Variants in CACHD1 observed in about 807,000 individuals in gnomAD.
CACHD1 encodes the protein VWFA and cache domain-containing protein 1.
CACHD1 carries 71 observed loss-of-function variants against 138.7 expected under a neutral mutation model. The observed-to-expected ratio is 0.51, with a 90% CI of 0.42 to 0.62. The LOEUF (loss-of-function observed/expected upper bound fraction) is 0.62, where lower values mean the gene tolerates loss of function less well. Ranked by LOEUF, CACHD1 falls within the 20% of genes least tolerant of loss-of-function variation. The pLI is 0.00. For synonymous variants in CACHD1, 578 were observed against 591.5 expected, an observed-to-expected ratio of 0.98 and a Z score of 0.33; for missense variants, 1,389 against 1,625.3, an observed-to-expected ratio of 0.85 and a Z score of 2.50.
Position 64,653,345 on chromosome 1 carries a change from T to C in CACHD1, c.1541-413T>C, listed in dbSNP as rs151221346. On this transcript the variant is annotated intron_variant, in intron 10 of 26. Coordinates refer to ENST00000651257, the MANE Select transcript of CACHD1 (RefSeq NM_020925.4). ...AACCCCCGTGACACAAGCTTACCTA[T>C]ATAATAAACCTGCACATGTACCCCT... Among the ~76,000 whole-genome samples the C allele has an allele frequency of 1.7e-3, 229 of 134,360 alleles. 1 individual carries two copies. The highest frequency in any genetic ancestry group is 6.0e-3 in the African/African-American group (212 of 35,518). The allele number at this position is 134,360 out of a possible 152,430, so 88.1% of individuals were successfully genotyped here.
At chr1:64,497,595 C>T (rs1646313109) in intron 1 of CACHD1, among the ~76,000 whole-genome samples, 1 of 152,146 alleles carries the variant, frequency 6.6e-6, no homozygotes, top group Admixed American at 6.5e-5. Context: ...AGCCAGGAAT[C>T]AGCAGGCATT....
At chr1:64,590,935 G>A (rs752945600) in intron 3 of CACHD1, among the ~76,000 whole-genome samples, 1 of 152,174 alleles carries the variant, frequency 6.6e-6, no homozygotes, top group African/African-American at 2.4e-5. Context: ...TTCCTCAACT[G>A]TAAAATGAGC....
intron 15 of CACHD1, among the ~76,000 whole-genome samples, chr1:64,665,464 C>G (rs1280967414): frequency 6.6e-6 from 1 of 150,606 alleles, no homozygotes; most frequent in Non-Finnish European, 1.5e-5. Flanking sequence ...TGTCAAAAAA[C>G]AAAACAAAAA....
At chr1:64,671,378 T>TAAGA (rs1649810643) in intron 16 of CACHD1, among the ~76,000 whole-genome samples, 186 bp from the exon 17 acceptor site, 1 of 152,172 alleles carries the variant, frequency 6.6e-6, no homozygotes, top group Admixed American at 6.6e-5. Context: ...TTAAATTTTT[T>TAAGA]TCTCTCATAA....
intron 1 of CACHD1, among the ~76,000 whole-genome samples, chr1:64,484,094 C>A (rs1331180928): frequency 6.6e-6 from 1 of 152,108 alleles, no homozygotes; most frequent in African/African-American, 2.4e-5. Context: ...TTGTTCAATG[C>A]TATATTCCTG....
chr1:64,517,678 G>A (rs1056392631), intron 1 of CACHD1, among the ~76,000 whole-genome samples: 1 of 152,174 alleles, frequency 6.6e-6, no homozygotes, highest in African/African-American at 2.4e-5. Flanking sequence ...AGGGGAACCT[G>A]TGGGGAATCT....
chr1:64,663,011 A>G (rs886194839), intron 13 of CACHD1, among the ~76,000 whole-genome samples: 17 of 152,370 alleles, frequency 1.1e-4, no homozygotes, highest in African/African-American at 3.8e-4. Flanking sequence ...GATTGCTGCT[A>G]TGCAAATGAG....
chr1:64,615,522 A>G (rs571966377), intron 4 of CACHD1, among the ~76,000 whole-genome samples: 4 of 152,228 alleles, frequency 2.6e-5, no homozygotes, highest in Non-Finnish European at 4.4e-5. Context: ...ATTTTTATTT[A>G]TTTATTGTAT....
intron 4 of CACHD1, among the ~76,000 whole-genome samples, chr1:64,603,660 C>T (rs1214582186): frequency 6.6e-6 from 1 of 152,044 alleles, no homozygotes; most frequent in Non-Finnish European, 1.5e-5. Flanking sequence ...GCCATAATAC[C>T]ATATACCAAG....
chr1:64,610,820 G>A (rs1647505680), intron 4 of CACHD1, among the ~76,000 whole-genome samples: 1 of 152,232 alleles, frequency 6.6e-6, no homozygotes, highest in Non-Finnish European at 1.5e-5. Flanking sequence ...GGTACTCTGT[G>A]TGGGGGCTCC....
intron 1 of CACHD1, among the ~76,000 whole-genome samples, chr1:64,528,806 C>T (rs1646559998): frequency 1.3e-5 from 2 of 151,668 alleles, no homozygotes; most frequent in Non-Finnish European, 2.9e-5. Flanking sequence ...TTAAGAATAA[C>T]CTGGTTGATG....
chr1:64,608,888 A>G (rs1647427396), intron 4 of CACHD1, among the ~76,000 whole-genome samples: 1 of 152,206 alleles, frequency 6.6e-6, no homozygotes, highest in African/African-American at 2.4e-5. Context: ...AATTGAGGTG[A>G]GAGTGAAGTA....
intron 2 of CACHD1, among the ~76,000 whole-genome samples, chr1:64,566,363 C>A (rs1450576140): frequency 6.6e-6 from 1 of 151,530 alleles, no homozygotes; most frequent in Non-Finnish European, 1.5e-5. Flanking sequence ...GATTTACTGA[C>A]AAGAAAAATT....
chr1:64,609,786 A>G (rs1242896604), intron 4 of CACHD1, among the ~76,000 whole-genome samples: 16 of 152,162 alleles, frequency 1.1e-4, no homozygotes, highest in African/African-American at 2.4e-5. Flanking sequence ...TTCATAAAAT[A>G]AGATTTTATG....
At chr1:64,559,994 G>A (rs1385283979) in intron 2 of CACHD1, among the ~76,000 whole-genome samples, 1 of 152,114 alleles carries the variant, frequency 6.6e-6, no homozygotes, top group Non-Finnish European at 1.5e-5. Context: ...GCATAAAGGT[G>A]TTTGTAATAA....
intron 4 of CACHD1, among the ~76,000 whole-genome samples, chr1:64,612,476 A>G (rs1257553537): frequency 2.0e-5 from 3 of 152,194 alleles, no homozygotes; most frequent in Admixed American, 1.3e-4. Flanking sequence ...GCTAAATTTT[A>G]TAATGAGTAT....
intron 12 of CACHD1, 91 bp from the exon 13 acceptor site, chr1:64,658,614 G>A: frequency 1.2e-6 from 1 of 866,800 alleles, no homozygotes; most frequent in Non-Finnish European, 1.7e-6. Flanking sequence ...GAAGATAGAA[G>A]GTAGAGGCAG....
chr1:64,579,579 A>G (rs748238885), intron 2 of CACHD1, among the ~76,000 whole-genome samples: 19 of 152,214 alleles, frequency 1.2e-4, no homozygotes, highest in Non-Finnish European at 2.4e-4. Flanking sequence ...AATGATATTT[A>G]CTTTATCAGA....
chr1:64,470,761 A>C lies in CACHD1; in HGVS notation c.17A>C (p.Glu6Ala). The C allele has an allele frequency of 1.3e-6, 1 of 764,516 alleles. No homozygotes were observed. 47.4% of individuals were successfully genotyped at this position (764,516 alleles called of 1,614,324 possible). A position where few individuals can be genotyped will look rare whatever the true frequency, so the allele number is the denominator to read the frequency against. Reference sequence around the variant, plus strand: ...GGAGGCAGCATGGCCCGCCAGCCGGAGGAAGAGGAGACGGCCGTGGCCCGG... The same window carrying C: ...GGAGGCAGCATGGCCCGCCAGCCGGCGGAAGAGGAGACGGCCGTGGCCCGG... MARQPEEEETAVARAR... is the reference protein window; with the variant it reads MARQPAEEETAVARAR... The change falls in exon 1 of 27, where the codon GAG (glutamate) becomes GCG (alanine). Residue 6 changes from glutamate (E) to alanine (A), a missense_variant. Transcript: ENST00000651257. The surrounding 1 kb of genome is among the most constrained non-coding windows in gnomAD (Gnocchi z 5.2).
Sources: gnomAD v4.1 joint callset for allele counts (sites outside exome capture counted in the v4.1 genomes callset) on GRCh38, gnomAD v4.1.1 for gene constraint, Gnocchi (gnomAD v3.1) non-coding constraint, MANE v1.5 for transcripts, NCBI Gene and HGNC (gene_info 2026-07-23, HGNC 2026-07-21) for gene names.